DAB1: variants seen among roughly 807,000 people sequenced by gnomAD.
The protein encoded by DAB1 is disabled homolog 1.
In DAB1, 15 loss-of-function variants were observed where a neutral mutation model predicts 64.6. That is an observed-to-expected ratio of 0.23 (90% CI 0.16 to 0.36). DAB1 has a LOEUF of 0.36. DAB1 is among the 10% of genes least tolerant of loss of function. DAB1 has a pLI of 1.00. For synonymous variants in DAB1, 235 were observed against 251.9 expected, an observed-to-expected ratio of 0.93 and a Z score of 0.64; for missense variants, 596 against 706.7, an observed-to-expected ratio of 0.84 and a Z score of 1.78.
intron 4 of DAB1, among the ~76,000 whole-genome samples, chr1:58,189,620 A>G (rs72908455): frequency 0.017 from 2,559 of 152,286 alleles, 65 homozygotes; most frequent in African/African-American, 0.058. Flanking sequence ...GTCCCCACTG[A>G]CTTCCAAAGC....
At chr1:58,048,370 A>G in intron 5 of DAB1, 3 of 957,920 alleles carry the variant, frequency 3.1e-6, no homozygotes. Context: ...AGCTTCCACC[A>G]CCTCCAAAAC....
chr1:57,153,848 C>T (rs1341372139), intron 2 of DAB1, among the ~76,000 whole-genome samples: 1 of 151,958 alleles, frequency 6.6e-6, no homozygotes, highest in Non-Finnish European at 1.5e-5. Context: ...ACCGTGTTAG[C>T]CAGGATGGTC....
intron 5 of DAB1, among the ~76,000 whole-genome samples, chr1:57,940,580 C>T (rs981302113): frequency 6.6e-6 from 1 of 152,212 alleles, no homozygotes; most frequent in Non-Finnish European, 1.5e-5. Flanking sequence ...ATCTTGTTAA[C>T]AGGCAGATTC....
intron 7 of DAB1, among the ~76,000 whole-genome samples, chr1:57,562,520 C>T (rs1645064757): frequency 6.6e-6 from 1 of 152,204 alleles, no homozygotes; most frequent in African/African-American, 2.4e-5. Flanking sequence ...AGTTACAATG[C>T]CAACTAGGTG....
chr1:57,287,778 TTTTA>T (rs10647426), intron 2 of DAB1, among the ~76,000 whole-genome samples: 152 of 144,142 alleles, frequency 1.1e-3, no homozygotes, highest in African/African-American at 3.4e-3. Flanking sequence ...TTTCTCTCTC[TTTTA>T]TTTATTTATT....
chr1:57,426,381 G>A (rs1487443024), upstream of DAB1, among the ~76,000 whole-genome samples: 1 of 152,168 alleles, frequency 6.6e-6, no homozygotes, highest in Admixed American at 6.5e-5. Context: ...GGCATAACAT[G>A]TAGATACCCA....
At chr1:57,490,975 T>C (rs528797966) in intron 7 of DAB1, among the ~76,000 whole-genome samples, 3 of 152,334 alleles carry the variant, frequency 2.0e-5, no homozygotes, top group African/African-American at 7.2e-5. Context: ...CTGTAATAAC[T>C]TGAAATGTCT....
At chr1:58,521,257 T>C (rs1021502996) in intron 2 of DAB1, among the ~76,000 whole-genome samples, 2 of 151,514 alleles carry the variant, frequency 1.3e-5, no homozygotes, top group African/African-American at 4.9e-5. Context: ...AAAAATAACA[T>C]ATCAACCCTT....
At chr1:58,364,148 A>G (rs1644193979) in intron 3 of DAB1, among the ~76,000 whole-genome samples, 1 of 152,144 alleles carries the variant, frequency 6.6e-6, no homozygotes, top group Non-Finnish European at 1.5e-5. Flanking sequence ...CACCTTTAAT[A>G]CACTGCTGTG....
At chr1:58,029,770 A>G (rs1183477888) in intron 5 of DAB1, among the ~76,000 whole-genome samples, 1 of 152,196 alleles carries the variant, frequency 6.6e-6, no homozygotes, top group Non-Finnish European at 1.5e-5. Context: ...AATAATGGGT[A>G]TTTGCTTTAA....
At chr1:58,358,228 G>A (rs1266693727) in intron 3 of DAB1, among the ~76,000 whole-genome samples, 1 of 152,174 alleles carries the variant, frequency 6.6e-6, no homozygotes, top group East Asian at 1.9e-4. Context: ...TGACCTTGGG[G>A]ATGAGAACAG....
chr1:58,269,290 T>A (rs1042909876), intron 4 of DAB1, among the ~76,000 whole-genome samples: 1 of 151,674 alleles, frequency 6.6e-6, no homozygotes, highest in African/African-American at 2.4e-5. Flanking sequence ...TTGTGATAGT[T>A]TACTGAGAAT....
At chr1:58,062,167 C>G (rs547455656) in intron 5 of DAB1, among the ~76,000 whole-genome samples, 1 of 152,166 alleles carries the variant, frequency 6.6e-6, no homozygotes, top group South Asian at 2.1e-4. Flanking sequence ...CAATAACACT[C>G]GCAGTTTGTC....
At chr1:58,160,427 C>G (rs913272321) in intron 4 of DAB1, among the ~76,000 whole-genome samples, 16 of 152,100 alleles carry the variant, frequency 1.1e-4, no homozygotes, top group African/African-American at 3.4e-4. Flanking sequence ...TAATGCCACT[C>G]AAGAAAAGCA....
intron 3 of DAB1, among the ~76,000 whole-genome samples, chr1:58,433,385 T>C (rs1644900591): frequency 6.6e-6 from 1 of 152,074 alleles, no homozygotes; most frequent in Non-Finnish European, 1.5e-5. Flanking sequence ...GGGGGTGTCT[T>C]AGTTCATTTT....
intron 2 of DAB1, among the ~76,000 whole-genome samples, chr1:57,189,822 G>C (rs1663953793): frequency 1.3e-5 from 2 of 148,654 alleles, no homozygotes; most frequent in Non-Finnish European, 3.0e-5. Context: ...ACATTTGTTG[G>C]CAGACAATTG....
intron 5 of DAB1, among the ~76,000 whole-genome samples, chr1:58,063,977 T>C (rs935440517): frequency 3.9e-5 from 6 of 152,244 alleles, no homozygotes; most frequent in African/African-American, 1.4e-4. Context: ...TGCATACAGA[T>C]GAGGGTGTTT....
At chr1:57,890,700 C>T (rs1424485444) in intron 5 of DAB1, among the ~76,000 whole-genome samples, 1 of 152,082 alleles carries the variant, frequency 6.6e-6, no homozygotes, top group Non-Finnish European at 1.5e-5. Context: ...AAGGATCTTC[C>T]CAAAGCTCTG....
At chr1:57,600,462 TCAAC>T (rs1462886049) in intron 7 of DAB1, among the ~76,000 whole-genome samples, 2 of 152,138 alleles carry the variant, frequency 1.3e-5, no homozygotes, top group Non-Finnish European at 2.9e-5. Flanking sequence ...TAAAATAAAA[TCAAC>T]CAGCTACCAG....
Sources: allele counts gnomAD v4.1 joint callset (sites outside exome capture counted in the v4.1 genomes callset), GRCh38; gene constraint gnomAD v4.1.1; transcripts MANE v1.5; gene names NCBI Gene and HGNC (gene_info 2026-07-23, HGNC 2026-07-21).